Variants in ROR2 observed in about 807,000 individuals in gnomAD.
The protein encoded by ROR2 is tyrosine-protein kinase transmembrane receptor ROR2.
A neutral mutation model predicts 74.9 loss-of-function variants in ROR2; 33 were observed. The ratio of observed to expected loss-of-function variants is 0.44; its 90% CI spans 0.33 to 0.59. The LOEUF (loss-of-function observed/expected upper bound fraction) is 0.59. Ranked by LOEUF, ROR2 falls within the 20% of genes least tolerant of loss-of-function variation. The probability of loss-of-function intolerance (pLI) is 0.02; values close to 1 mark genes in which losing one functional copy is unlikely to be tolerated. For missense variants in ROR2, 1,216 were observed against 1,313.8 expected, an observed-to-expected ratio of 0.93 and a Z score of 1.15; for synonymous variants, 586 against 558.7, an observed-to-expected ratio of 1.05 and a Z score of -0.69.
chr9:91,882,493 G>A (rs1197788944), intron 1 of ROR2, among the ~76,000 whole-genome samples: 1 of 150,406 alleles, frequency 6.6e-6, no homozygotes, highest in Non-Finnish European at 1.5e-5. Flanking sequence ...TGACCATGAA[G>A]AGGCAGTGAA....
At chr9:91,923,894 G>A (rs1831332339) in intron 1 of ROR2, 1 of 152,304 alleles carries the variant, frequency 6.6e-6, no homozygotes, top group African/African-American at 2.4e-5. Flanking sequence ...TTCTTCAGGT[G>A]GCAGAAGTGT....
intron 1 of ROR2, among the ~76,000 whole-genome samples, chr9:91,937,353 G>T (rs1455111656): frequency 6.6e-6 from 1 of 152,024 alleles, no homozygotes; most frequent in Non-Finnish European, 1.5e-5. Context: ...CCCTCGTGGG[G>T]AGTCTGCAAA....
At chr9:91,887,720 T>G (rs146260314) in intron 1 of ROR2, among the ~76,000 whole-genome samples, 1,756 of 151,988 alleles carry the variant, frequency 0.012, 37 homozygotes, top group African/African-American at 0.041. Flanking sequence ...CCCAATAATG[T>G]AGGTATAACG....
At chr9:91,867,819 G>A (rs1301618467) in intron 1 of ROR2, among the ~76,000 whole-genome samples, 3 of 152,140 alleles carry the variant, frequency 2.0e-5, no homozygotes, top group Non-Finnish European at 4.4e-5. Flanking sequence ...TAGAGGCTTT[G>A]AAAGTAGAAC....
At chr9:91,808,802 C>T (rs28580750) in intron 1 of ROR2, among the ~76,000 whole-genome samples, 31,040 of 151,082 alleles carry the variant, frequency 0.21, 6,471 homozygotes, top group African/African-American at 0.51. Context: ...AAAAAATATA[C>T]ATATTTTTTT....
At chr9:91,878,730 C>G (rs922020064) in intron 1 of ROR2, among the ~76,000 whole-genome samples, 1 of 152,210 alleles carries the variant, frequency 6.6e-6, no homozygotes, top group Admixed American at 6.5e-5. Context: ...AACCCAACTA[C>G]ACTTCCAGAA....
At chr9:91,833,261 C>A (rs143731637) in intron 1 of ROR2, among the ~76,000 whole-genome samples, 1 of 152,166 alleles carries the variant, frequency 6.6e-6, no homozygotes, top group Non-Finnish European at 1.5e-5. Flanking sequence ...CTGCCGGATG[C>A]TCCCGACGCA....
chr9:91,735,444 A>C (rs1478061852), intron 5 of ROR2, among the ~76,000 whole-genome samples: 1 of 151,902 alleles, frequency 6.6e-6, no homozygotes, highest in Non-Finnish European at 1.5e-5. Context: ...TCCTTAAACA[A>C]CTCCTGAAGA....
rs12378938 is a variant in ROR2, at chr9:91,831,833, G to C, written c.98-56015C>G. 9.3e-4 allele frequency among the ~76,000 whole-genome samples: 141 copies of C among 151,984 alleles called. 1 individual carries two copies. The highest frequency in any genetic ancestry group is 1.1e-3 in the Non-Finnish European group (73 of 67,970). The stretch of plus-strand genomic sequence containing the variant: ...TGTCTCAAAAAAATAAAAAAGCAAG[G>C]GAAGGACTGCAGACTTCAGCTTGCC... On this transcript the variant is annotated intron_variant, in intron 1 of 8. Coordinates refer to ENST00000375708, the MANE Select transcript of ROR2 (RefSeq NM_004560.4).
chr9:91,859,800 G>C (rs1829414880), intron 1 of ROR2, among the ~76,000 whole-genome samples: 1 of 152,188 alleles, frequency 6.6e-6, no homozygotes, highest in South Asian at 2.1e-4. Context: ...ACTTCAGCCA[G>C]GGCAACAGAG....
chr9:91,834,083 T>A (rs927742837), intron 1 of ROR2, among the ~76,000 whole-genome samples: 1 of 152,072 alleles, frequency 6.6e-6, no homozygotes, highest in Non-Finnish European at 1.5e-5. Flanking sequence ...AAATGGAAAG[T>A]AAAAACAGGT....
At chr9:91,838,789 G>A (rs1350547981) in intron 1 of ROR2, among the ~76,000 whole-genome samples, 1 of 152,194 alleles carries the variant, frequency 6.6e-6, no homozygotes, top group Non-Finnish European at 1.5e-5. Context: ...CATGACAGAT[G>A]TTATGAGTTA....
rs961059713 is a variant in ROR2, at chr9:91,950,009, G to C, written c.-46C>G. ...GGAAGCCCTCAGAGCTTCGGGCCGG[G>C]GCGCGGGGTCGGGCGCCACCACCCC... is the stretch of plus-strand genomic sequence containing the variant. On this transcript the variant is annotated 5_prime_UTR_variant, in exon 1 of 9. Transcript: ENST00000375708. 2 of 1,091,458 alleles carry C rather than the reference G, an allele frequency of 1.8e-6. No homozygotes were observed. Among genetic ancestry groups the C allele is most frequent in the African/African-American group, 3.4e-5 (2 of 59,490 alleles). The allele number at this position is 1,091,458 out of a possible 1,614,324, so 67.6% of individuals were successfully genotyped here. A position where few individuals can be genotyped will look rare whatever the true frequency, so the allele number is the denominator to read the frequency against.
intron 2 of ROR2, among the ~76,000 whole-genome samples, chr9:91,761,868 T>C (rs1825924688): frequency 6.6e-6 from 1 of 152,152 alleles, no homozygotes; most frequent in Non-Finnish European, 1.5e-5. Flanking sequence ...ATGGCTTCCT[T>C]ACCCCTTCCA....
intron 1 of ROR2, among the ~76,000 whole-genome samples, chr9:91,819,760 T>G (rs1828081427): frequency 6.6e-6 from 1 of 152,176 alleles, no homozygotes; most frequent in Non-Finnish European, 1.5e-5. Context: ...ATTCTGTGTG[T>G]GTGTCTCAGT....
At chr9:91,948,963 A>G (rs1241084408) in intron 1 of ROR2, 2 of 974,444 alleles carry the variant, frequency 2.1e-6, no homozygotes, top group Non-Finnish European at 2.4e-6. Context: ...GCAGGTCCCA[A>G]GCTGCACTTC....
chr9:91,754,127 T>G, intron 4 of ROR2, among the ~76,000 whole-genome samples: 1 of 152,020 alleles, frequency 6.6e-6, no homozygotes, highest in East Asian at 1.9e-4. Context: ...GTCATTTACA[T>G]CAATGTGTGG....
intron 8 of ROR2, among the ~76,000 whole-genome samples, chr9:91,726,040 T>C (rs895182153): frequency 2.6e-5 from 4 of 152,212 alleles, no homozygotes; most frequent in Non-Finnish European, 4.4e-5. Flanking sequence ...TCTGTTGTAT[T>C]TCAGTGCCCC....
intron 1 of ROR2, among the ~76,000 whole-genome samples, chr9:91,816,182 G>A (rs560107895): frequency 2.0e-5 from 3 of 152,094 alleles, no homozygotes; most frequent in Non-Finnish European, 2.9e-5. Context: ...CTGCCCTCAC[G>A]GTAGCCACCA....
Sources: allele counts gnomAD v4.1 joint callset (sites outside exome capture counted in the v4.1 genomes callset), GRCh38; gene constraint gnomAD v4.1.1; transcripts MANE v1.5; gene names NCBI Gene and HGNC (gene_info 2026-07-23, HGNC 2026-07-21).